DCC: variants seen among roughly 807,000 people sequenced by gnomAD.
DCC encodes netrin receptor DCC.
A neutral mutation model predicts 172.5 loss-of-function variants in DCC; 58 were observed. The observed-to-expected ratio is 0.34, with a 90% CI of 0.27 to 0.42. The LOEUF (loss-of-function observed/expected upper bound fraction) is 0.42. DCC is among the 10% of genes least tolerant of loss of function. The pLI, the probability that DCC is intolerant of heterozygous loss-of-function variation, is 1.00. For synonymous variants in DCC, 709 were observed against 644.5 expected (o/e 1.10, Z -1.52); for missense variants, 1,740 against 1,791.0 (o/e 0.97, Z 0.51).
At chr18:53,096,765 T>C (rs1383514903) in intron 7 of DCC, among the ~76,000 whole-genome samples, 5 of 152,110 alleles carry the variant, frequency 3.3e-5, no homozygotes, top group African/African-American at 1.2e-4. Flanking sequence ...GTCTAAGCAA[T>C]TGTTTAAAAA....
chr18:52,745,862 G>A (rs1027747243), intron 1 of DCC, among the ~76,000 whole-genome samples: 2 of 152,156 alleles, frequency 1.3e-5, no homozygotes, highest in Non-Finnish European at 2.9e-5. Flanking sequence ...CAGGTTCCCA[G>A]GAGGTGTTGC....
intron 8 of DCC, among the ~76,000 whole-genome samples, chr18:53,158,359 C>T (rs961435492): frequency 2.6e-5 from 4 of 152,124 alleles, no homozygotes; most frequent in Non-Finnish European, 5.9e-5. Flanking sequence ...TAAGATATTT[C>T]ACCATCTTAT....
chr18:53,303,888 A>G (rs2057169409), intron 12 of DCC, among the ~76,000 whole-genome samples: 2 of 152,242 alleles, frequency 1.3e-5, no homozygotes, highest in South Asian at 4.1e-4. Flanking sequence ...GAAGGATGGT[A>G]AATGTGGGGG....
chr18:53,313,315 G>A (rs1437532505), intron 13 of DCC, among the ~76,000 whole-genome samples: 1 of 152,094 alleles, frequency 6.6e-6, no homozygotes, highest in Non-Finnish European at 1.5e-5. Context: ...GCACGATCTC[G>A]TCTCACTGCA....
chr18:53,067,253 G>A (rs2042584561), intron 7 of DCC, among the ~76,000 whole-genome samples: 2 of 152,108 alleles, frequency 1.3e-5, no homozygotes, highest in Admixed American at 1.3e-4. Context: ...GGGCACAGTG[G>A]CTCATGCCTG....
rs1365258505 is a variant in DCC at position 52,380,120 on chromosome 18, T to G, written c.91+39242T>G. Among the ~76,000 whole-genome samples the G allele has an allele frequency of 2.0e-5, 3 of 152,012 alleles. No individual in the cohort carries two copies. In the East Asian group the frequency reaches 5.8e-4, roughly 30 times the overall value. ...GCAAAATGGACCTAAGCTAGTTTCC[T>G]CCAGCCCTTTTATAAGTCACTAATC... On this transcript the variant is annotated intron_variant, in intron 1 of 28. Transcript: ENST00000442544.
chr18:53,449,599 T>G (rs915029155), intron 22 of DCC, among the ~76,000 whole-genome samples: 3 of 152,168 alleles, frequency 2.0e-5, no homozygotes, highest in African/African-American at 7.2e-5. Context: ...TCAAGCAGTT[T>G]GTCTTTTACA....
chr18:52,841,619 T>C (rs1230104645), intron 2 of DCC, among the ~76,000 whole-genome samples: 1 of 152,164 alleles, frequency 6.6e-6, no homozygotes, highest in Non-Finnish European at 1.5e-5. Flanking sequence ...TGGAATTGTA[T>C]TTGAAAAGGC....
At chr18:52,575,189 T>C (rs1568236504) in intron 1 of DCC, among the ~76,000 whole-genome samples, 1 of 152,160 alleles carries the variant, frequency 6.6e-6, no homozygotes, top group African/African-American at 2.4e-5. Context: ...CCAATTCTAT[T>C]TTATACCACA....
chr18:52,686,860 C>T (rs2145002625), intron 1 of DCC, among the ~76,000 whole-genome samples: 1 of 152,196 alleles, frequency 6.6e-6, no homozygotes, highest in Non-Finnish European at 1.5e-5. Flanking sequence ...TCCCTCAGTC[C>T]TTCTCTACAA....
chr18:53,146,558 T>G (rs1300922136), intron 7 of DCC, among the ~76,000 whole-genome samples: 1 of 152,216 alleles, frequency 6.6e-6, no homozygotes, highest in Non-Finnish European at 1.5e-5. Context: ...CCAATACTGT[T>G]GCATTGGAGA....
In DCC at chr18:52,423,483, T is replaced by C. The variant is rs59758331; in HGVS notation, c.91+82605T>C. 1.8e-3 allele frequency among the ~76,000 whole-genome samples: 281 copies of C among 152,110 alleles called. 6 individuals carry two copies. In the East Asian group the frequency reaches 0.045, roughly 24 times the overall value. On this transcript the variant is annotated intron_variant, in intron 1 of 28. Coordinates refer to ENST00000442544, the MANE Select transcript of DCC (RefSeq NM_005215.4). ...CTCAAGGCCTCTTGACTACACAGGC[T>C]TTCAAACCTCCAGCAGATGAACACA...
At position 52,480,491 on chromosome 18, in the gene DCC, C is replaced by G. The variant is rs577130798; in HGVS notation, c.91+139613C>G. ...AGTGCATTGGTAGAGAACCAGGGAT[C>G]TATCAACACAAGTGTCCCACTGAGT... On this transcript the variant is annotated intron_variant, in intron 1 of 28. Coordinates refer to ENST00000442544, the MANE Select transcript of DCC (RefSeq NM_005215.4). Among the ~76,000 whole-genome samples the G allele has an allele frequency of 1.1e-3, 168 of 152,234 alleles. 1 individual carries two copies. The highest frequency in any genetic ancestry group is 1.4e-3 in the East Asian group (7 of 5,168).
At chr18:53,104,414 G>A (rs1213932068) in intron 7 of DCC, among the ~76,000 whole-genome samples, 4 of 151,954 alleles carry the variant, frequency 2.6e-5, no homozygotes, top group Non-Finnish European at 4.4e-5. Context: ...CCCTGCACAA[G>A]CTCTCTCTCT....
chr18:52,469,007 A>G (rs1192631861), intron 1 of DCC, among the ~76,000 whole-genome samples: 1 of 151,556 alleles, frequency 6.6e-6, no homozygotes, highest in Non-Finnish European at 1.5e-5. Flanking sequence ...TTAGGCTTTT[A>G]CTCATCAGTG....
chr18:53,066,634 T>A (rs1022005115), intron 7 of DCC, among the ~76,000 whole-genome samples: 11 of 151,626 alleles, frequency 7.3e-5, no homozygotes, highest in African/African-American at 2.7e-4. Context: ...TGTGCATATA[T>A]ACGTACACAC....
chr18:52,742,514 C>T (rs1178715873), intron 1 of DCC, among the ~76,000 whole-genome samples: 1 of 152,032 alleles, frequency 6.6e-6, no homozygotes, highest in Non-Finnish European at 1.5e-5. Context: ...AGTAGGTGCT[C>T]AATAAATATT....
intron 12 of DCC, among the ~76,000 whole-genome samples, chr18:53,257,594 T>A (rs189733217): frequency 1.5e-3 from 234 of 152,336 alleles, no homozygotes; most frequent in African/African-American, 5.2e-3. Flanking sequence ...CTTTTTGATG[T>A]GCTGCTGGAT....
At chr18:53,407,711 G>C (rs1376738129) in intron 19 of DCC, among the ~76,000 whole-genome samples, 1 of 151,454 alleles carries the variant, frequency 6.6e-6, no homozygotes, top group East Asian at 1.9e-4. Context: ...ACTCAGAAAT[G>C]TGTGTATGTA....
Sources: allele counts gnomAD v4.1 joint callset (sites outside exome capture counted in the v4.1 genomes callset), GRCh38; gene constraint gnomAD v4.1.1; transcripts MANE v1.5; gene names NCBI Gene and HGNC (gene_info 2026-07-23, HGNC 2026-07-21).